DERPC: variants seen among roughly 807,000 people sequenced by gnomAD.
DERPC encodes the protein decreased expression in renal and prostate cancer protein.
DERPC carries 1 observed loss-of-function variant against 7.2 expected under a neutral mutation model. That is an observed-to-expected ratio of 0.14 (90% CI 0.05 to 0.66). The LOEUF (loss-of-function observed/expected upper bound fraction) is 0.66, where lower values mean the gene tolerates loss of function less well. Ranked by LOEUF, DERPC falls within the 30% of genes least tolerant of loss-of-function variation. The pLI is 0.84. For missense variants in DERPC, 502 were observed against 299.4 expected, an observed-to-expected ratio of 1.68 and a Z score of -4.99; for synonymous variants, 185 against 117.6, an observed-to-expected ratio of 1.57 and a Z score of -3.71.
intron 1 of DERPC, among the ~76,000 whole-genome samples, chr16:69,122,821 C>T (rs369596013): frequency 1.1e-4 from 17 of 152,126 alleles, no homozygotes; most frequent in Non-Finnish European, 2.1e-4. Flanking sequence ...GGATTACAGG[C>T]GTGAACCACC....
rs1277769754 is a variant in DERPC at position 69,131,537 on chromosome 16, G to C, written c.-280+947C>G. On this transcript the variant is annotated intron_variant, in intron 1 of 2. Transcript: ENST00000519520. ...CTCTCGGCCCCCTCCCACCCTTTCTGCTAGAGCTACAAACACTTCCTATTT... is the reference window on the plus strand; with the variant it reads ...CTCTCGGCCCCCTCCCACCCTTTCTCCTAGAGCTACAAACACTTCCTATTT... 5.5e-5 allele frequency: 7 copies of C among 128,192 alleles called. No individual in the cohort carries two copies. The East Asian group carries it at 1.1e-3, about 21-fold the overall frequency. The allele number at this position is 128,192 out of a possible 1,614,324, so 7.9% of individuals were successfully genotyped here.
chr16:69,124,156 C>T (rs1400336437), intron 1 of DERPC, among the ~76,000 whole-genome samples: 3 of 151,902 alleles, frequency 2.0e-5, no homozygotes, highest in Non-Finnish European at 4.4e-5. Flanking sequence ...ACAACAGCAG[C>T]ACCACCTGGT....
In DERPC at chr16:69,120,169, G is replaced by A. The variant is rs1274212910; in HGVS notation, c.260C>T (p.Pro87Leu). ...GSLASNPAPF[P>L]AGARDPSMAS... ...CATACTTGGGTCACGAGCACCAGCC[G>A]GGAAAGGTGCTGGATTTGAAGCCAA... Residue 87 changes from proline to leucine, a missense_variant, in exon 3 of 3, where the codon CCG (proline) becomes CTG (leucine). By Grantham distance (98) the Pro-to-Leu change is moderately conservative. Coordinates refer to ENST00000519520, the MANE Select transcript of DERPC (RefSeq NM_001002847.4). The surrounding 1 kb of genome is among the most constrained non-coding windows in gnomAD (Gnocchi z 4.0). The A allele has an allele frequency of 2.7e-5, 19 of 701,460 alleles. No individual in the cohort carries two copies. Among genetic ancestry groups the A allele is most frequent in the East Asian group, 2.1e-4 (8 of 37,308 alleles). 43.5% of individuals were successfully genotyped at this position (701,460 alleles called of 1,614,324 possible).
chr16:69,121,165 C>G (rs1567589232), intron 2 of DERPC: 2 of 1,612,248 alleles, frequency 1.2e-6, no homozygotes, highest in Non-Finnish European at 1.7e-6. Flanking sequence ...GCCTCCAGCC[C>G]TCGCACTGCA....
Position 69,120,846 on chromosome 16 carries a change from C to T in DERPC, c.-221-197G>A, listed in dbSNP as rs1046931421. ...CTAGCCCCACATAGGAGAATTTCCA[C>T]TTTCAGAAATGTGAGCTTTCCAGAT... On this transcript the variant is annotated intron_variant, in intron 2 of 2. Coordinates refer to ENST00000519520, the MANE Select transcript of DERPC (RefSeq NM_001002847.4). This position sits in a 1 kb window ranked among gnomAD's most constrained non-coding sequence, Gnocchi z 4.0. 1 of 745,772 alleles carries T rather than the reference C, an allele frequency of 1.3e-6. No individual in the cohort carries two copies. The highest frequency in any genetic ancestry group is 2.4e-6 in the Non-Finnish European group (1 of 421,282). The allele number at this position is 745,772 out of a possible 1,614,324, so 46.2% of individuals were successfully genotyped here.
Position 69,120,353 on chromosome 16 carries a change from G to T in DERPC, c.76C>A (p.Leu26Ile). The change falls in exon 3 of 3, where the codon CTC (leucine) becomes ATC (isoleucine). Residue 26 changes from leucine (L) to isoleucine (I), a missense_variant. Coordinates refer to ENST00000519520, the MANE Select transcript of DERPC (RefSeq NM_001002847.4). This position sits in a 1 kb window ranked among gnomAD's most constrained non-coding sequence, Gnocchi z 4.0. Reference protein sequence around the residue: ...TRAPLPPRGRLDGSLGPQGGP... With the variant: ...TRAPLPPRGRIDGSLGPQGGP... ...CCCTGTGGTCCCAGGGAACCGTCGA[G>T]CCGTCCTCGAGGTGGCAGCGGAGCA... 6.8e-7 allele frequency: 1 copy of T among 1,478,884 alleles called. No homozygotes were observed. The highest frequency in any genetic ancestry group is 9.4e-7 in the Non-Finnish European group (1 of 1,058,522). 91.6% of individuals were successfully genotyped at this position (1,478,884 alleles called of 1,614,324 possible). A position where few individuals can be genotyped will look rare whatever the true frequency, so the allele number is the denominator to read the frequency against.
intron 1 of DERPC, among the ~76,000 whole-genome samples, chr16:69,128,178 G>A (rs1466721925): frequency 6.6e-6 from 1 of 152,138 alleles, no homozygotes; most frequent in African/African-American, 2.4e-5. Flanking sequence ...CTCCCAAAGT[G>A]CCAGGATTAC....
At position 69,118,123 on chromosome 16, in the gene DERPC, C is replaced by CCCCCCCCCCCCCCCAATTCCCACATT; in HGVS notation, c.*730_*731insAATGTGGGAATTGGGGGGGGGGGGGG. 2.5e-6 allele frequency: 1 copy of CCCCCCCCCCCCCCCAATTCCCACATT among 399,448 alleles called. No individual in the cohort carries two copies. The allele number at this position is 399,448 out of a possible 1,614,324, so 24.7% of individuals were successfully genotyped here. A position where few individuals can be genotyped will look rare whatever the true frequency, so the allele number is the denominator to read the frequency against. On this transcript the variant is annotated 3_prime_UTR_variant, in exon 3 of 3. Transcript: ENST00000519520. The stretch of plus-strand genomic sequence containing the variant: ...AGCACAGTGATTTCTTCCCTTCATC[C>CCCCCCCCCCCCCCCAATTCCCACATT]CCCACCCCCACCCTAATTCCCATAT...
rs1961403141 is a variant in DERPC at position 69,119,080 on chromosome 16, C to T, written c.1349G>A (p.Gly450Asp). The change falls in exon 3 of 3, where the codon GGC becomes GAC. Residue 450 changes from glycine to aspartate, a missense_variant. Coordinates refer to ENST00000519520, the MANE Select transcript of DERPC (RefSeq NM_001002847.4). ...TFPRPAAGHL[G>D]PSPAGPVGIN... is the part of the protein sequence containing the mutation. ...ACCCACAGGGCCAGCTGGAGAAGGG[C>T]CCAGATGCCCGGCAGCTGGCCTGGG... 2 of 703,020 alleles carry T rather than the reference C, an allele frequency of 2.8e-6. No homozygotes were observed. Among genetic ancestry groups the T allele is most frequent in the Non-Finnish European group, 5.2e-6 (2 of 385,016 alleles). 43.5% of individuals were successfully genotyped at this position (703,020 alleles called of 1,614,324 possible).
chr16:69,128,884 T>A (rs1207149446), intron 1 of DERPC, among the ~76,000 whole-genome samples: 1 of 151,882 alleles, frequency 6.6e-6, no homozygotes, highest in Admixed American at 6.6e-5. Context: ...ACCAACATGG[T>A]GAAACCCAGT....
chr16:69,126,227 C>T (rs976628601), intron 1 of DERPC, among the ~76,000 whole-genome samples: 1 of 152,192 alleles, frequency 6.6e-6, no homozygotes, highest in African/African-American at 2.4e-5. Flanking sequence ...GAGACAGAGC[C>T]TACTTCCTGA....
At chr16:69,129,060 T>C (rs1377820896) in intron 1 of DERPC, among the ~76,000 whole-genome samples, 6 of 149,928 alleles carry the variant, frequency 4.0e-5, no homozygotes, top group African/African-American at 9.9e-5. Flanking sequence ...CAAGATTCCA[T>C]CTCAAAAAAC....
Position 69,118,200 on chromosome 16 carries a change from C to T in DERPC, c.*654G>A, listed in dbSNP as rs1961307204. On this transcript the variant is annotated 3_prime_UTR_variant, in exon 3 of 3. Transcript: ENST00000519520. ...AGGTTCTTTGATTGATTGGGAGTAC[C>T]AGTGAAGAGGGAGTTGGATGAGTAG... The T allele has an allele frequency of 3.6e-6, 2 of 548,726 alleles. No homozygotes were observed. The highest frequency in any genetic ancestry group is 6.7e-6 in the Non-Finnish European group (2 of 298,630). 34.0% of individuals were successfully genotyped at this position (548,726 alleles called of 1,614,324 possible).
Position 69,119,872 on chromosome 16 carries a change from C to G in DERPC, c.557G>C (p.Arg186Thr). 1 of 701,754 alleles carries G rather than the reference C, an allele frequency of 1.4e-6. No individual in the cohort carries two copies. Among genetic ancestry groups the G allele is most frequent in the Non-Finnish European group, 2.6e-6 (1 of 385,004 alleles). 43.5% of individuals were successfully genotyped at this position (701,754 alleles called of 1,614,324 possible). ...PMGPGSGPNLRAGVLLTSGNG... is the reference protein window; with the variant it reads ...PMGPGSGPNLTAGVLLTSGNG... ...CCCAGAGGTTAACAGAACACCGGCT[C>G]TCAGGTTAGGTCCAGATCCAGGGCC... is the stretch of plus-strand genomic sequence containing the variant. Residue 186 changes from arginine to threonine, a missense_variant, in exon 3 of 3, where the codon AGA (arginine) becomes ACA (threonine). Physicochemically the swap from Arg to Thr is moderately conservative, Grantham distance 71. Transcript: ENST00000519520.
chr16:69,123,176 C>T (rs565434933), intron 1 of DERPC, among the ~76,000 whole-genome samples: 36 of 152,300 alleles, frequency 2.4e-4, no homozygotes, highest in African/African-American at 7.5e-4. Flanking sequence ...CCTACCTCAG[C>T]TTCTCAAAGT....
At chr16:69,129,678 T>C (rs1480420737) in intron 1 of DERPC, among the ~76,000 whole-genome samples, 3 of 152,144 alleles carry the variant, frequency 2.0e-5, no homozygotes, top group Middle Eastern at 6.3e-3. Flanking sequence ...ATATGAACCC[T>C]AACCCCTCCA....
Position 69,121,423 on chromosome 16 carries a change from A to G in DERPC, c.-222+13T>C. 2 of 1,599,874 alleles carry G rather than the reference A, an allele frequency of 1.3e-6. No homozygotes were observed. Among genetic ancestry groups the G allele is most frequent in the East Asian group, 2.2e-5 (1 of 44,852 alleles). ...ATTTCAAGCCAAATTTTAAAATCTC[A>G]AAATGTACTTACCTGGAAATAACAA... On this transcript the variant is annotated intron_variant, in intron 2 of 2. Coordinates refer to ENST00000519520, the MANE Select transcript of DERPC (RefSeq NM_001002847.4).
At chr16:69,123,938 A>C (rs1332306388) in intron 1 of DERPC, among the ~76,000 whole-genome samples, 5 of 140,526 alleles carry the variant, frequency 3.6e-5, no homozygotes, top group East Asian at 4.5e-4. Context: ...AAAAAAAAAA[A>C]AAAAAAAAAC....
At chr16:69,132,319 C>CCCCCGCCCGCGCT (rs961529761) in intron 1 of DERPC, among the ~76,000 whole-genome samples, 165 bp downstream of exon 1, 7 of 147,292 alleles carry the variant, frequency 4.8e-5, no homozygotes, top group Non-Finnish European at 1.1e-4. Context: ...GGCCACCCCT[C>CCCCCGCCCGCGCT]CCCCGCCCGC....
Sources: gnomAD v4.1 joint callset for allele counts (sites outside exome capture counted in the v4.1 genomes callset) on GRCh38, gnomAD v4.1.1 for gene constraint, Gnocchi (gnomAD v3.1) non-coding constraint, MANE v1.5 for transcripts, NCBI Gene and HGNC (gene_info 2026-07-23, HGNC 2026-07-21) for gene names.